The following SLC24A3 variants were observed in gnomAD, a reference collection of about 807,000 sequenced individuals.
SLC24A3 encodes the protein sodium/potassium/calcium exchanger 3.
SLC24A3 carries 28 observed loss-of-function variants against 75.8 expected under a neutral mutation model. The observed-to-expected ratio is 0.37, with a 90% CI of 0.27 to 0.51. SLC24A3 has a LOEUF of 0.51. SLC24A3 is among the 20% of genes least tolerant of loss of function. The pLI is 0.94. For missense variants in SLC24A3, 663 were observed against 847.8 expected (o/e 0.78, Z 2.71); for synonymous variants, 372 against 334.1 (o/e 1.11, Z -1.24).
chr20:19,510,385 C>T (rs1988518966), intron 2 of SLC24A3, among the ~76,000 whole-genome samples: 1 of 152,214 alleles, frequency 6.6e-6, no homozygotes, highest in African/African-American at 2.4e-5. Flanking sequence ...CCCCATGCCC[C>T]ACTGCTGTGT....
chr20:19,333,614 G>T (rs2122296075), intron 2 of SLC24A3, among the ~76,000 whole-genome samples: 1 of 150,644 alleles, frequency 6.6e-6, no homozygotes, highest in Middle Eastern at 3.5e-3. Context: ...GGTGAGTCCA[G>T]TCTTGCTAGT....
rs774085675 is a variant in SLC24A3, at chr20:19,721,911, G to C, written c.*771G>C. ...GTCCCCTGGGGTTGGGGGGGCACAA[G>C]GTTTTGGAGGAAGAAGACAACTTCC... On this transcript the variant is annotated 3_prime_UTR_variant, in exon 17 of 17. Transcript: ENST00000328041. 6.5e-6 allele frequency: 1 copy of C among 152,694 alleles called. No homozygotes were observed. The highest frequency in any genetic ancestry group is 1.5e-5 in the Non-Finnish European group (1 of 68,116). The allele number at this position is 152,694 out of a possible 1,614,324, so 9.5% of individuals were successfully genotyped here.
chr20:19,359,364 A>G (rs1292112086), intron 2 of SLC24A3, among the ~76,000 whole-genome samples: 1 of 152,168 alleles, frequency 6.6e-6, no homozygotes, highest in Non-Finnish European at 1.5e-5. Flanking sequence ...TTTCCTATGA[A>G]TGGCCTGTGT....
intron 6 of SLC24A3, among the ~76,000 whole-genome samples, chr20:19,592,870 A>G (rs2031398866): frequency 7.1e-6 from 1 of 141,382 alleles, no homozygotes; most frequent in African/African-American, 2.6e-5. Flanking sequence ...ATCTTGGCTC[A>G]CTACAACCTC....
chr20:19,450,766 A>C (rs1042962163), intron 2 of SLC24A3, among the ~76,000 whole-genome samples: 18 of 152,196 alleles, frequency 1.2e-4, no homozygotes, highest in Non-Finnish European at 2.2e-4. Context: ...TGGGAGGTCG[A>C]GATGGGTGGA....
intron 1 of SLC24A3, among the ~76,000 whole-genome samples, chr20:19,248,340 A>G (rs935493556): frequency 6.6e-6 from 1 of 152,194 alleles, no homozygotes; most frequent in Non-Finnish European, 1.5e-5. Context: ...TAAGCTGAAA[A>G]TGTGCAATAT....
intron 2 of SLC24A3, among the ~76,000 whole-genome samples, chr20:19,389,566 T>G (rs1415362981): frequency 6.6e-6 from 1 of 152,106 alleles, no homozygotes; most frequent in Non-Finnish European, 1.5e-5. Context: ...TTTCCTGACC[T>G]CCAAAGTTTC....
At position 19,241,487 on chromosome 20, in the gene SLC24A3, G is replaced by A. The variant is rs535345074; in HGVS notation, c.142+28503G>A. 1.2e-4 allele frequency among the ~76,000 whole-genome samples: 18 copies of A among 152,272 alleles called. No homozygotes were observed. In the South Asian group the frequency reaches 2.7e-3, roughly 23 times the overall value. On this transcript the variant is annotated intron_variant, in intron 1 of 16. Coordinates refer to ENST00000328041, the MANE Select transcript of SLC24A3 (RefSeq NM_020689.4). ...GGTTTCTCCATTTCTCCATTCTTGC[G>A]GTGGGCCTATTGATTAGGAGAATCT...
intron 2 of SLC24A3, among the ~76,000 whole-genome samples, chr20:19,458,056 C>A (rs1425483979): frequency 2.0e-5 from 3 of 152,122 alleles, no homozygotes; most frequent in African/African-American, 7.2e-5. Context: ...ATGACTTCTG[C>A]AAGCCTAGGT....
chr20:19,327,862 A>G (rs1238354596), intron 2 of SLC24A3, among the ~76,000 whole-genome samples: 7 of 152,232 alleles, frequency 4.6e-5, no homozygotes, highest in African/African-American at 1.2e-4. Flanking sequence ...ACATAAGGAC[A>G]AGGAACAAAG....
intron 3 of SLC24A3, among the ~76,000 whole-genome samples, chr20:19,555,095 G>A (rs1264873219): frequency 1.3e-5 from 2 of 152,194 alleles, no homozygotes; most frequent in Non-Finnish European, 1.5e-5. Flanking sequence ...GTTAGCCGTA[G>A]CCTCAGCAAC....
At chr20:19,288,113 G>A (rs941255125) in intron 2 of SLC24A3, among the ~76,000 whole-genome samples, 10 of 152,294 alleles carry the variant, frequency 6.6e-5, no homozygotes, top group Admixed American at 5.2e-4. Context: ...AACTTTGTGG[G>A]AATAAGATTG....
chr20:19,526,908 T>G (rs2030208308), intron 3 of SLC24A3, among the ~76,000 whole-genome samples: 1 of 152,166 alleles, frequency 6.6e-6, no homozygotes, highest in African/African-American at 2.4e-5. Context: ...TAGTAAGGAC[T>G]TAGTAATTGT....
chr20:19,239,133 A>C (rs1359571859), intron 1 of SLC24A3, among the ~76,000 whole-genome samples: 2 of 151,624 alleles, frequency 1.3e-5, no homozygotes, highest in Non-Finnish European at 2.9e-5. Flanking sequence ...AAAAAAAAAA[A>C]AAAAACAACA....
At chr20:19,233,193 G>A (rs1455276506) in intron 1 of SLC24A3, among the ~76,000 whole-genome samples, 4 of 152,236 alleles carry the variant, frequency 2.6e-5, no homozygotes, top group Admixed American at 6.5e-5. Flanking sequence ...TGAGCAGTCC[G>A]GGGTGGGGAG....
intron 2 of SLC24A3, among the ~76,000 whole-genome samples, chr20:19,391,635 G>A (rs1430054394): frequency 1.3e-5 from 2 of 152,130 alleles, no homozygotes; most frequent in African/African-American, 4.8e-5. Context: ...GGAATTTGGA[G>A]GCACTCTCAA....
At chr20:19,289,572 G>C (rs1983891549) in intron 2 of SLC24A3, among the ~76,000 whole-genome samples, 1 of 152,298 alleles carries the variant, frequency 6.6e-6, no homozygotes, top group South Asian at 2.1e-4. Flanking sequence ...CCCACCTTGG[G>C]GAGTGGAGAG....
chr20:19,388,922 A>C (rs55673903), intron 2 of SLC24A3, among the ~76,000 whole-genome samples: 1,542 of 151,870 alleles, frequency 0.01, 25 homozygotes, highest in African/African-American at 0.034. Context: ...TCCTTTATTC[A>C]ATTCTTCCAA....
At chr20:19,255,623 C>G (rs1982791338) in intron 1 of SLC24A3, among the ~76,000 whole-genome samples, 3 of 152,292 alleles carry the variant, frequency 2.0e-5, no homozygotes, top group Admixed American at 6.5e-5. Flanking sequence ...CCTTCCAATG[C>G]CATACTTAGT....
Sources: gnomAD v4.1 joint callset for allele counts (sites outside exome capture counted in the v4.1 genomes callset) on GRCh38, gnomAD v4.1.1 for gene constraint, MANE v1.5 for transcripts, NCBI Gene and HGNC (gene_info 2026-07-23, HGNC 2026-07-21) for gene names.